The following ROR2 variants were observed in gnomAD, a reference collection of about 807,000 sequenced individuals.
ROR2 encodes ROR family WNT receptor 2, also known as tyrosine-protein kinase transmembrane receptor ROR2.
Under a neutral mutation model 74.9 loss-of-function variants are expected in ROR2, and 33 were observed. The observed-to-expected ratio is 0.44, with a 90% CI of 0.33 to 0.59. The LOEUF (loss-of-function observed/expected upper bound fraction) is 0.59, where lower values mean the gene tolerates loss of function less well. Among genes scored for constraint, ROR2 ranks in the 20% least tolerant of loss-of-function variants. The pLI is 0.02. For synonymous variants in ROR2, 586 were observed against 558.7 expected (o/e 1.05, Z -0.69); for missense variants, 1,216 against 1,313.8 (o/e 0.93, Z 1.15).
chr9:91,751,217 G>A (rs987611148), intron 4 of ROR2, among the ~76,000 whole-genome samples: 2 of 152,158 alleles, frequency 1.3e-5, no homozygotes, highest in Non-Finnish European at 2.9e-5. Context: ...GGCAGTCAAT[G>A]CATGATTCAA....
intron 4 of ROR2, among the ~76,000 whole-genome samples, chr9:91,755,151 T>A (rs1825705352): frequency 6.7e-6 from 1 of 148,924 alleles, no homozygotes; most frequent in Non-Finnish European, 1.5e-5. Context: ...CAGGCCTGTC[T>A]ATTTGGGGGG....
At chr9:91,850,919 C>T (rs1297461519) in intron 1 of ROR2, among the ~76,000 whole-genome samples, 3 of 152,094 alleles carry the variant, frequency 2.0e-5, no homozygotes, top group East Asian at 3.9e-4. Context: ...CTATTTTTTT[C>T]AGGGGGTGAC....
intron 7 of ROR2, among the ~76,000 whole-genome samples, chr9:91,729,830 A>G (rs1233293361): frequency 6.6e-6 from 1 of 152,240 alleles, no homozygotes; most frequent in Non-Finnish European, 1.5e-5. Context: ...CAAGCAATGA[A>G]TTCTATTTTC....
At chr9:91,827,751 AC>A (rs1828340128) in intron 1 of ROR2, among the ~76,000 whole-genome samples, 1 of 152,262 alleles carries the variant, frequency 6.6e-6, no homozygotes, top group African/African-American at 2.4e-5. Flanking sequence ...CAATTTGATA[AC>A]CAAAACGTGT....
rs1384948320 is a variant in ROR2, at chr9:91,733,151, A to G, written c.908T>C (p.Ile303Thr). 6.2e-7 allele frequency: 1 copy of G among 1,602,468 alleles called. No homozygotes were observed. Among genetic ancestry groups the G allele is most frequent in the Non-Finnish European group, 8.5e-7 (1 of 1,176,290 alleles). ...GCCCAGCCTCTCGGCTGGGATGCCAATGCGCATGCAGTTGGCAGCGTCGGG... is the reference window on the plus strand; with the variant it reads ...GCCCAGCCTCTCGGCTGGGATGCCAGTGCGCATGCAGTTGGCAGCGTCGGG... The part of the protein sequence containing the change: ...ESPDAANCMR[I>T]GIPAERLGRY... Residue 303 changes from isoleucine (I) to threonine (T), a missense_variant, in exon 6 of 9, where the codon ATT becomes ACT. Coordinates refer to ENST00000375708, the MANE Select transcript of ROR2 (RefSeq NM_004560.4). The surrounding 1 kb of genome is among the most constrained non-coding windows in gnomAD (Gnocchi z 5.7).
intron 1 of ROR2, among the ~76,000 whole-genome samples, chr9:91,839,251 G>GT (rs1828705225): frequency 1.8e-4 from 19 of 107,704 alleles, no homozygotes; most frequent in East Asian, 6.5e-4. Context: ...TCAGATCGGG[G>GT]GTGTGTGTGT....
intron 1 of ROR2, among the ~76,000 whole-genome samples, chr9:91,845,877 CAAAAAAAAAAAAAA>C (rs5899143): frequency 0.044 from 1,507 of 33,946 alleles, 65 homozygotes; most frequent in African/African-American, 0.096. Context: ...GAATCCATCT[CAAAAAAAAAAAAAA>C]AAAAAAAAAA....
chr9:91,724,382 C>T lies in ROR2; in HGVS notation c.2112G>A (p.Met704Ile), dbSNP rs749054125. 1 of 1,614,082 alleles carries T rather than the reference C, an allele frequency of 6.2e-7. No individual in the cohort carries two copies. Among genetic ancestry groups the T allele is most frequent in the South Asian group, 1.1e-5 (1 of 91,088 alleles). The change falls in exon 9 of 9, where the codon ATG becomes ATA. Residue 704 changes from methionine (M) to isoleucine (I), a missense_variant. By Grantham distance (10) the Met-to-Ile change is conservative. Transcript: ENST00000375708. ...AAGGCAGCACCTGCCGGTTCCGGAT[C>T]ATCTCCACCACATCCTGGTTGGAGT... is the stretch of plus-strand genomic sequence containing the variant. The part of the protein sequence containing the change: ...CGYSNQDVVE[M>I]IRNRQVLPCP...
intron 1 of ROR2, among the ~76,000 whole-genome samples, chr9:91,806,912 G>C (rs990378598): frequency 6.6e-6 from 1 of 152,172 alleles, no homozygotes; most frequent in African/African-American, 2.4e-5. Flanking sequence ...TTTGTCCACA[G>C]CTCCTTGCTC....
intron 1 of ROR2, among the ~76,000 whole-genome samples, chr9:91,852,974 T>C (rs1829154965): frequency 1.3e-5 from 2 of 152,228 alleles, no homozygotes; most frequent in Non-Finnish European, 2.9e-5. Context: ...GCGCATGCTC[T>C]GTGAGCACAC....
chr9:91,733,086 GC>G lies in ROR2; in HGVS notation c.937+35del, dbSNP rs749458306. 5.2e-5 allele frequency: 81 copies of G among 1,544,900 alleles called. No homozygotes were observed. The highest frequency in any genetic ancestry group is 6.9e-5 in the Non-Finnish European group (79 of 1,147,234). ...ATTTCAAGGGCCCTACACTCCCTGC[GC>G]CCCCCGGTCCCGCCCCGGGCCCTCG... On this transcript the variant is annotated intron_variant, in intron 6 of 8. Transcript: ENST00000375708. The surrounding 1 kb of genome is among the most constrained non-coding windows in gnomAD (Gnocchi z 5.7).
chr9:91,906,800 C>G (rs1414405367), intron 1 of ROR2, among the ~76,000 whole-genome samples: 1 of 152,156 alleles, frequency 6.6e-6, no homozygotes, highest in African/African-American at 2.4e-5. Context: ...GTCTGAGAAG[C>G]ACCAAGGACT....
intron 7 of ROR2, among the ~76,000 whole-genome samples, chr9:91,727,181 G>C (rs1416142103): frequency 6.6e-6 from 1 of 152,124 alleles, no homozygotes; most frequent in African/African-American, 2.4e-5. Context: ...TTGGTACTGG[G>C]ATTAGACACG....
At chr9:91,871,441 A>G (rs1829793531) in intron 1 of ROR2, among the ~76,000 whole-genome samples, 1 of 152,230 alleles carries the variant, frequency 6.6e-6, no homozygotes, top group African/African-American at 2.4e-5. Flanking sequence ...TTCATGTCCT[A>G]TAATAATACA....
chr9:91,734,940 G>A (rs1824973384), intron 5 of ROR2, among the ~76,000 whole-genome samples: 1 of 152,048 alleles, frequency 6.6e-6, no homozygotes, highest in South Asian at 2.1e-4. Context: ...GGATGTCTTG[G>A]ATTTGGAGGA....
intron 2 of ROR2, among the ~76,000 whole-genome samples, chr9:91,762,517 C>T (rs1161514035): frequency 1.3e-5 from 2 of 152,112 alleles, no homozygotes; most frequent in Non-Finnish European, 2.9e-5. Flanking sequence ...ACAGAAAAAA[C>T]ACAGCTATCA....
chr9:91,848,955 G>C (rs1159318943), intron 1 of ROR2, among the ~76,000 whole-genome samples: 1 of 152,078 alleles, frequency 6.6e-6, no homozygotes, highest in Non-Finnish European at 1.5e-5. Flanking sequence ...TATTGTCTAG[G>C]AACATCAGGA....
Position 91,733,444 on chromosome 9 carries a change from G to A in ROR2, c.623-8C>T. ...CGATCATGGTGAAGGCCGCTGCAGA[G>A]CCCGCGAGACTCGCGTTAGCGGGGG... is the stretch of plus-strand genomic sequence containing the variant. On this transcript the variant is annotated splice_polypyrimidine_tract_variant and splice_region_variant and intron_variant, in intron 5 of 8. Transcript: ENST00000375708. The surrounding 1 kb of genome is among the most constrained non-coding windows in gnomAD (Gnocchi z 5.7). The A allele has an allele frequency of 6.2e-7, 1 of 1,608,778 alleles. No individual in the cohort carries two copies. The highest frequency in any genetic ancestry group is 8.5e-7 in the Non-Finnish European group (1 of 1,179,040).
At chr9:91,934,473 C>A (rs966727327) in intron 1 of ROR2, among the ~76,000 whole-genome samples, 1 of 152,032 alleles carries the variant, frequency 6.6e-6, no homozygotes, top group Non-Finnish European at 1.5e-5. Flanking sequence ...AACCCACCCA[C>A]CCACACACCC....
Sources: gnomAD v4.1 joint callset for allele counts (sites outside exome capture counted in the v4.1 genomes callset) on GRCh38, gnomAD v4.1.1 for gene constraint, Gnocchi (gnomAD v3.1) non-coding constraint, MANE v1.5 for transcripts, NCBI Gene and HGNC (gene_info 2026-07-23, HGNC 2026-07-21) for gene names.